The following SCARF2 variants were observed in gnomAD, a reference collection of about 807,000 sequenced individuals.
The protein encoded by SCARF2 is scavenger receptor expressed by endothelial cells 2 protein.
SCARF2 carries 39 observed loss-of-function variants against 73.4 expected under a neutral mutation model. The observed-to-expected ratio is 0.53, with a 90% CI of 0.41 to 0.69. The LOEUF (loss-of-function observed/expected upper bound fraction) is 0.69. Ranked by LOEUF, SCARF2 falls within the 30% of genes least tolerant of loss-of-function variation. The pLI, the probability that SCARF2 is intolerant of heterozygous loss-of-function variation, is 0.00. For synonymous variants in SCARF2, 605 were observed against 590.0 expected, an observed-to-expected ratio of 1.03 and a Z score of -0.37; for missense variants, 1,148 against 1,303.5, an observed-to-expected ratio of 0.88 and a Z score of 1.84.
chr22:20,437,589 C>T lies in SCARF2; in HGVS notation c.166G>A (p.Ala56Thr). The change falls in exon 1 of 11, where the codon GCT becomes ACT. Residue 56 changes from alanine (A) to threonine (T), a missense_variant. Around this residue, in one of 5 missense-constraint regions of SCARF2, gnomAD observed 124 missense variants for 120.4 expected, o/e 1.03. Transcript: ENST00000622235. Reference sequence around the variant, plus strand: ...AGCCAGGCCGGCTCCTACCCGGGAGCACGGCACACGTTGCGGCCGCGAGGG... The same window carrying T: ...AGCCAGGCCGGCTCCTACCCGGGAGTACGGCACACGTTGCGGCCGCGAGGG... ...LNPRGRNVCR[A>T]PGSQVPTCCA... The T allele has an allele frequency of 6.4e-7, 1 of 1,574,546 alleles. No homozygotes were observed. Among genetic ancestry groups the T allele is most frequent in the Non-Finnish European group, 8.6e-7 (1 of 1,167,802 alleles).
Position 20,431,366 on chromosome 22 carries a change from G to A in SCARF2, c.506C>T (p.Ala169Val), listed in dbSNP as rs1361289098. Residue 169 changes from alanine to valine, a missense_variant, in exon 4 of 11, where the codon GCG (alanine) becomes GTG (valine). Transcript: ENST00000622235. The stretch of plus-strand genomic sequence containing the variant: ...CCACCAGCCGGGCTCACAGCGGCAC[G>A]CGCCGCTCCGCGGGTGGCACGTGCC... ...QHGTCHPRSG[A>V]CRCEPGWWGA... 4 of 1,518,092 alleles carry A rather than the reference G, an allele frequency of 2.6e-6. No individual in the cohort carries two copies. The highest frequency in any genetic ancestry group is 3.5e-6 in the Non-Finnish European group (4 of 1,139,764). The allele number at this position is 1,518,092 out of a possible 1,614,324, so 94.0% of individuals were successfully genotyped here. A position where few individuals can be genotyped will look rare whatever the true frequency, so the allele number is the denominator to read the frequency against.
In SCARF2 at chr22:20,430,425, T is replaced by C. The variant is rs761386931; in HGVS notation, c.1202+4A>G. On this transcript the variant is annotated splice_donor_region_variant and intron_variant, in intron 6 of 10. Coordinates refer to ENST00000622235, the MANE Select transcript of SCARF2 (RefSeq NM_182895.5). ...CAACCCCCTCCCGGTCCCGGGGCAC[T>C]CACTGGGGCCCGTGGACGCCAGGGC... 3 of 1,587,790 alleles carry C rather than the reference T, an allele frequency of 1.9e-6. No individual in the cohort carries two copies. Among genetic ancestry groups the C allele is most frequent in the South Asian group, 1.1e-5 (1 of 87,970 alleles).
chr22:20,429,432 G>A lies in SCARF2; in HGVS notation c.1425-92C>T. 6.4e-7 allele frequency: 1 copy of A among 1,561,122 alleles called. No homozygotes were observed. Among genetic ancestry groups the A allele is most frequent in the Non-Finnish European group, 8.7e-7 (1 of 1,154,908 alleles). The stretch of plus-strand genomic sequence containing the variant: ...CCGGAGCCAAGCACAGAAGGGGCGG[G>A]GCCACGTCCGGGGCAGGGGCGCGGA... On this transcript the variant is annotated intron_variant, in intron 8 of 10. Transcript: ENST00000622235. This position sits in a 1 kb window ranked among gnomAD's most constrained non-coding sequence, Gnocchi z 5.2.
At chr22:20,430,958 G>A (rs1163712823) in intron 4 of SCARF2, 50 bp from the exon 5 acceptor site, 2 of 1,564,264 alleles carry the variant, frequency 1.3e-6, no homozygotes, top group East Asian at 2.3e-5. Flanking sequence ...CCTCACCCCT[G>A]TCCCCATCGG....
intron 1 of SCARF2, among the ~76,000 whole-genome samples, chr22:20,436,442 G>A (rs1386258360): frequency 1.3e-5 from 2 of 152,046 alleles, no homozygotes; most frequent in African/African-American, 2.4e-5. Context: ...AGTCCGCGGC[G>A]GCGGCATCGA....
intron 1 of SCARF2, 130 bp downstream of exon 1, chr22:20,437,452 G>A: frequency 1.0e-6 from 1 of 997,838 alleles, no homozygotes. Flanking sequence ...GAGCCGCGCT[G>A]GCTAGGGAGC....
intron 1 of SCARF2, 67 bp downstream of exon 1, chr22:20,437,515 C>T (rs2052713897): frequency 4.7e-6 from 7 of 1,493,530 alleles, no homozygotes; most frequent in Non-Finnish European, 6.3e-6. Flanking sequence ...CTCCCAATGC[C>T]CGGCGCCGCC....
In SCARF2 at chr22:20,429,532, T is replaced by C. The variant is rs1356180778; in HGVS notation, c.1424+4A>G. 1.9e-6 allele frequency: 3 copies of C among 1,612,240 alleles called. No homozygotes were observed. The highest frequency in any genetic ancestry group is 2.5e-6 in the Non-Finnish European group (3 of 1,179,618). ...GGCGAAAGCGGGGCAGTATCTGGGC[T>C]CACCGGCGCGTAGGGTCCTTGCCGC... On this transcript the variant is annotated splice_donor_region_variant and intron_variant, in intron 8 of 10. Transcript: ENST00000622235. The surrounding 1 kb of genome is among the most constrained non-coding windows in gnomAD (Gnocchi z 5.2).
In SCARF2 at chr22:20,425,460, T is replaced by G. The variant is rs999996928; in HGVS notation, c.2516A>C (p.Lys839Thr). 1 of 1,409,420 alleles carries G rather than the reference T, an allele frequency of 7.1e-7. No homozygotes were observed. The highest frequency in any genetic ancestry group is 9.3e-7 in the Non-Finnish European group (1 of 1,080,158). The allele number at this position is 1,409,420 out of a possible 1,614,324, so 87.3% of individuals were successfully genotyped here. A position where few individuals can be genotyped will look rare whatever the true frequency, so the allele number is the denominator to read the frequency against. Residue 839 changes from lysine (K) to threonine (T), a missense_variant, in exon 11 of 11, where the codon AAG becomes ACG. Lys to Thr is a moderately conservative substitution (Grantham distance 78). Transcript: ENST00000622235. This position sits in a 1 kb window ranked among gnomAD's most constrained non-coding sequence, Gnocchi z 4.6. ...CGGCGGCTTCTGGATGGGGGTCTTC[T>G]TCCGGGGGGTCTCAGGCGCGGGCAA... is the stretch of plus-strand genomic sequence containing the variant. ...TDLPAPETPR[K>T]KTPIQKPPRK...
In SCARF2 at chr22:20,426,251, G is replaced by A; in HGVS notation, c.1725C>T (p.Val575=). The A allele has an allele frequency of 6.5e-7, 1 of 1,536,512 alleles. No individual in the cohort carries two copies. The highest frequency in any genetic ancestry group is 8.7e-7 in the Non-Finnish European group (1 of 1,147,534). The change falls in exon 11 of 11, where the codon GTC becomes GTT. Residue 575 remains valine (V), a synonymous_variant. Coordinates refer to ENST00000622235, the MANE Select transcript of SCARF2 (RefSeq NM_182895.5). ...CCGGCGCCTCGGCAGGGACAGTGGGGACTTCGGGGTCCCGGCTCTCCGCTG... is the reference window on the plus strand; with the variant it reads ...CCGGCGCCTCGGCAGGGACAGTGGGAACTTCGGGGTCCCGGCTCTCCGCTG... The part of the protein sequence containing the change: ...EAPAESRDPE[V]PTVPAEAPAP...
chr22:20,432,256 G>A (rs1024411353), intron 1 of SCARF2, among the ~76,000 whole-genome samples: 2 of 152,180 alleles, frequency 1.3e-5, no homozygotes, highest in Non-Finnish European at 2.9e-5. Context: ...CATTAGGCCT[G>A]AGAAAAGTGG....
rs1322006329 is a variant in SCARF2, at chr22:20,430,526, CGTAA to C, written c.1101_1104del (p.Tyr368AlafsTer36). 6.2e-7 allele frequency: 1 copy of C among 1,608,986 alleles called. No homozygotes were observed. The highest frequency in any genetic ancestry group is 1.7e-5 in the Admixed American group (1 of 59,506). Reference sequence around the variant, plus strand: ...GCGCACACGAAGGCGCAGTCCTCGCCGTAAGTGCCATTGCTACACTTGGTCTCGC... The same window carrying C: ...GCGCACACGAAGGCGCAGTCCTCGCCGTGCCATTGCTACACTTGGTCTCGC... On this transcript the variant is annotated frameshift_variant, in exon 6 of 11. Coordinates refer to ENST00000622235, the MANE Select transcript of SCARF2 (RefSeq NM_182895.5). LOFTEE classifies it high-confidence loss of function.
At chr22:20,434,297 A>AAGAGAGATAGAGATAGGAGAGAG (rs1451278122) in intron 1 of SCARF2, among the ~76,000 whole-genome samples, 1 of 152,124 alleles carries the variant, frequency 6.6e-6, no homozygotes, top group African/African-American at 2.4e-5. Flanking sequence ...CTGTCTCAAA[A>AAGAGAGATAGAGATAGGAGAGAG]AGAGAGATAG....
At position 20,429,991 on chromosome 22, in the gene SCARF2, G is replaced by A. The variant is rs1258774804; in HGVS notation, c.1203-158C>T. 5.6e-6 allele frequency: 4 copies of A among 720,244 alleles called. No homozygotes were observed. In the East Asian group the frequency reaches 8.1e-5, roughly 15 times the overall value. The allele number at this position is 720,244 out of a possible 1,614,324, so 44.6% of individuals were successfully genotyped here. On this transcript the variant is annotated intron_variant, in intron 6 of 10. Transcript: ENST00000622235. The surrounding 1 kb of genome is among the most constrained non-coding windows in gnomAD (Gnocchi z 5.2). Reference sequence around the variant, plus strand: ...TAGGGATTGAAGCCCCGCCCCGCCCGTGGCACATATTGGGTAGTGGATGTT... The same window carrying A: ...TAGGGATTGAAGCCCCGCCCCGCCCATGGCACATATTGGGTAGTGGATGTT...
At position 20,429,778 on chromosome 22, in the gene SCARF2, T is replaced by A. The variant is rs1390642474; in HGVS notation, c.1258A>T (p.Ser420Cys). The change falls in exon 7 of 11, where the codon AGC becomes TGC. Residue 420 changes from serine to cysteine, a missense_variant. Physicochemically the swap from Ser to Cys is moderately radical, Grantham distance 112. Around this residue, in one of 5 missense-constraint regions of SCARF2, gnomAD observed 372 missense variants for 532.0 expected, o/e 0.70. Transcript: ENST00000622235. The surrounding 1 kb of genome is among the most constrained non-coding windows in gnomAD (Gnocchi z 5.2). Reference protein sequence around the residue: ...LHGADCAQACSCHEDTCDPVT... With the variant: ...LHGADCAQACCCHEDTCDPVT... ...GGGTCGCACGTGTCCTCGTGGCAGC[T>A]GCAGGCCTGAGCACAGTCCGCGCCG... The A allele has an allele frequency of 6.2e-7, 1 of 1,613,566 alleles. No individual in the cohort carries two copies. The highest frequency in any genetic ancestry group is 2.2e-5 in the East Asian group (1 of 44,862).
rs2052592064 is a variant in SCARF2 at position 20,427,453 on chromosome 22, G to A, written c.1638C>T (p.Ser546=). ...QPSPSWSSRA[S]FSSFDTTDEG... ...CATCAGTGGTGTCAAACGAGGAGAA[G>A]GAGGCCCGAGAGGACCAGGATGGTG... Residue 546 remains serine, a synonymous_variant, in exon 10 of 11, where the codon TCC becomes TCT. Transcript: ENST00000622235. The A allele has an allele frequency of 6.2e-7, 1 of 1,614,228 alleles. No homozygotes were observed. The highest frequency in any genetic ancestry group is 8.5e-7 in the Non-Finnish European group (1 of 1,180,046).
At position 20,437,805 on chromosome 22, in the gene SCARF2, G is replaced by T; in HGVS notation, c.-51C>A. The T allele has an allele frequency of 2.6e-6, 2 of 779,434 alleles. No individual in the cohort carries two copies. The highest frequency in any genetic ancestry group is 5.6e-5 in the South Asian group (1 of 17,994). The allele number at this position is 779,434 out of a possible 1,614,324, so 48.3% of individuals were successfully genotyped here. ...GCACGGGCGCGGGTGCGGCCGCAGCGAGAGCGGCCGGAAGCGGAGTGCGAG... is the reference window on the plus strand; with the variant it reads ...GCACGGGCGCGGGTGCGGCCGCAGCTAGAGCGGCCGGAAGCGGAGTGCGAG... On this transcript the variant is annotated 5_prime_UTR_variant, in exon 1 of 11. Coordinates refer to ENST00000622235, the MANE Select transcript of SCARF2 (RefSeq NM_182895.5).
chr22:20,434,513 A>G (rs1318703360), intron 1 of SCARF2, among the ~76,000 whole-genome samples: 2 of 152,208 alleles, frequency 1.3e-5, no homozygotes, highest in Non-Finnish European at 2.9e-5. Flanking sequence ...GACAGAGTCC[A>G]TTTGGGTTCA....
chr22:20,428,894 C>T (rs2146125645), intron 9 of SCARF2, among the ~76,000 whole-genome samples: 1 of 152,230 alleles, frequency 6.6e-6, no homozygotes, highest in Admixed American at 6.5e-5. Flanking sequence ...CAGCTCTGGC[C>T]GGGATATACA....
Sources: allele counts gnomAD v4.1 joint callset (sites outside exome capture counted in the v4.1 genomes callset), GRCh38; gene constraint gnomAD v4.1.1; regional missense constraint gnomAD v4.1.1; non-coding constraint Gnocchi (gnomAD v3.1); transcripts MANE v1.5; gene names NCBI Gene and HGNC (gene_info 2026-07-23, HGNC 2026-07-21).